Variants in ZBTB7C observed in about 807,000 individuals in gnomAD.
ZBTB7C encodes the protein zinc finger and BTB domain containing 7C.
In ZBTB7C, 8 loss-of-function variants were observed where a neutral mutation model predicts 25.7. That is an observed-to-expected ratio of 0.31 (90% CI 0.18 to 0.56). The LOEUF (loss-of-function observed/expected upper bound fraction) is 0.56, where lower values mean the gene tolerates loss of function less well. Ranked by LOEUF, ZBTB7C falls within the 20% of genes least tolerant of loss-of-function variation. ZBTB7C has a pLI of 0.91. For missense variants in ZBTB7C, 824 were observed against 855.2 expected (o/e 0.96, Z 0.46); for synonymous variants, 394 against 369.0 (o/e 1.07, Z -0.78).
At chr18:48,175,377 G>A (rs1377757762) in intron 3 of ZBTB7C, among the ~76,000 whole-genome samples, 1 of 152,122 alleles carries the variant, frequency 6.6e-6, no homozygotes, top group Non-Finnish European at 1.5e-5. Context: ...GGGGAGCCGA[G>A]GTTTCACTGC....
At chr18:48,364,815 T>A (rs2047186328) in intron 1 of ZBTB7C, among the ~76,000 whole-genome samples, 1 of 152,228 alleles carries the variant, frequency 6.6e-6, no homozygotes, top group Non-Finnish European at 1.5e-5. Context: ...AATGGTAGCA[T>A]ACCATATGTA....
At chr18:48,237,223 C>T (rs376207216) in intron 2 of ZBTB7C, among the ~76,000 whole-genome samples, 34 of 152,226 alleles carry the variant, frequency 2.2e-4, no homozygotes, top group African/African-American at 7.7e-4. Context: ...TTGAAAGGAT[C>T]GTTCCTCTAC....
At chr18:48,286,578 A>C (rs188134172) in intron 2 of ZBTB7C, among the ~76,000 whole-genome samples, 1 of 152,174 alleles carries the variant, frequency 6.6e-6, no homozygotes, top group African/African-American at 2.4e-5. Flanking sequence ...ATATGTTAAG[A>C]AAAAGTTGAT....
At chr18:48,349,341 TC>T (rs1267844437) in intron 1 of ZBTB7C, among the ~76,000 whole-genome samples, 3 of 152,248 alleles carry the variant, frequency 2.0e-5, no homozygotes, top group Non-Finnish European at 4.4e-5. Context: ...CAAGTCTGCA[TC>T]TTTTTTTGAT....
At chr18:48,197,671 C>T (rs1161573504) in intron 2 of ZBTB7C, among the ~76,000 whole-genome samples, 3 of 152,272 alleles carry the variant, frequency 2.0e-5, no homozygotes, top group Admixed American at 1.3e-4. Context: ...GTTTCAGACA[C>T]CATCTTCTCA....
chr18:48,093,437 A>G (rs979133953), intron 3 of ZBTB7C, among the ~76,000 whole-genome samples: 1 of 152,170 alleles, frequency 6.6e-6, no homozygotes, highest in Admixed American at 6.5e-5. Flanking sequence ...GCTGAAATCC[A>G]AAAAGTTTAT....
rs756782228 is a variant in ZBTB7C at position 48,029,536 on chromosome 18, G to A, written c.1584C>T (p.Pro528=). ...CTGCCAGGAAGTGCTTGGCGGGGCTGGGGCCCGGGAGGCACACAGCTGCGC... is the reference window on the plus strand; with the variant it reads ...CTGCCAGGAAGTGCTTGGCGGGGCTAGGGCCCGGGAGGCACACAGCTGCGC... ...LGGAAVCLPG[P]SPAKHFLAAP... is the part of the protein sequence containing the mutation. The change falls in exon 5 of 5, where the codon CCC becomes CCT. Residue 528 remains proline, a synonymous_variant. Coordinates refer to ENST00000590800, the MANE Select transcript of ZBTB7C (RefSeq NM_001318841.2). 4 of 1,569,418 alleles carry A rather than the reference G, an allele frequency of 2.5e-6. No homozygotes were observed. The Admixed American group carries it at 7.3e-5, about 29-fold the overall frequency.
intron 2 of ZBTB7C, among the ~76,000 whole-genome samples, chr18:48,295,327 C>A (rs1028025829): frequency 6.6e-6 from 1 of 152,126 alleles, no homozygotes; most frequent in South Asian, 2.1e-4. Context: ...AACACCATTC[C>A]GTGGGGCTTG....
chr18:48,128,620 T>C (rs9957041), intron 3 of ZBTB7C, among the ~76,000 whole-genome samples: 39,857 of 152,138 alleles, frequency 0.26, 5,754 homozygotes, highest in African/African-American at 0.38. Context: ...AACCAAATTC[T>C]GTATGTTCTC....
At chr18:48,373,619 T>C (rs1180483624) in intron 1 of ZBTB7C, among the ~76,000 whole-genome samples, 1 of 152,196 alleles carries the variant, frequency 6.6e-6, no homozygotes, top group Non-Finnish European at 1.5e-5. Flanking sequence ...GACCATCCCC[T>C]TGGTGATAAG....
At chr18:48,249,124 T>C (rs114847052) in intron 2 of ZBTB7C, among the ~76,000 whole-genome samples, 2,879 of 152,340 alleles carry the variant, frequency 0.019, 32 homozygotes, top group South Asian at 0.039. Context: ...CTAACTGCTA[T>C]TGAAGTGGAG....
intron 2 of ZBTB7C, among the ~76,000 whole-genome samples, chr18:48,234,132 C>A (rs895891718): frequency 5.1e-4 from 77 of 152,052 alleles, no homozygotes; most frequent in African/African-American, 1.7e-3. Context: ...TCCTATGTGA[C>A]CCTCAAGATC....
intron 3 of ZBTB7C, chr18:48,087,608 A>G (rs1004944806): frequency 6.6e-6 from 1 of 152,016 alleles, no homozygotes; most frequent in Non-Finnish European, 1.5e-5. Flanking sequence ...AATAAAGCAC[A>G]ACCCCATCTC....
At chr18:48,348,789 C>G (rs901689425) in intron 1 of ZBTB7C, among the ~76,000 whole-genome samples, 2 of 152,240 alleles carry the variant, frequency 1.3e-5, no homozygotes, top group African/African-American at 4.8e-5. Flanking sequence ...TGCACTCCAG[C>G]CTGGGTGACA....
chr18:48,349,342 C>CT (rs906951760), intron 1 of ZBTB7C, among the ~76,000 whole-genome samples: 1 of 152,198 alleles, frequency 6.6e-6, no homozygotes, highest in Non-Finnish European at 1.5e-5. Context: ...AAGTCTGCAT[C>CT]TTTTTTTGAT....
intron 3 of ZBTB7C, among the ~76,000 whole-genome samples, chr18:48,069,397 G>C (rs1354335605): frequency 6.6e-6 from 1 of 152,142 alleles, no homozygotes; most frequent in African/African-American, 2.4e-5. Flanking sequence ...TTCCTGACCG[G>C]ATTTACAGTC....
chr18:48,321,705 C>T (rs1356477835), intron 2 of ZBTB7C, among the ~76,000 whole-genome samples: 1 of 152,158 alleles, frequency 6.6e-6, no homozygotes, highest in Non-Finnish European at 1.5e-5. Context: ...ATTTACACTT[C>T]CCCTGCGTCC....
intron 3 of ZBTB7C, chr18:48,149,663 C>CA (rs2040610315): frequency 6.6e-6 from 1 of 152,186 alleles, no homozygotes; most frequent in African/African-American, 2.4e-5. Flanking sequence ...CTACATAGAT[C>CA]AAAACAACGA....
intron 2 of ZBTB7C, among the ~76,000 whole-genome samples, chr18:48,307,121 A>G (rs2045694904): frequency 6.6e-6 from 1 of 152,136 alleles, no homozygotes; most frequent in Non-Finnish European, 1.5e-5. Flanking sequence ...TAAGCCTCCA[A>G]CAATAGGCTG....
Sources: allele counts gnomAD v4.1 joint callset (sites outside exome capture counted in the v4.1 genomes callset), GRCh38; gene constraint gnomAD v4.1.1; transcripts MANE v1.5; gene names NCBI Gene and HGNC (gene_info 2026-07-23, HGNC 2026-07-21).